SYNDIG1: variants seen among roughly 807,000 people sequenced by gnomAD.
The protein encoded by SYNDIG1 is synapse differentiation inducing 1, also known as synapse differentiation-inducing gene protein 1.
A neutral mutation model predicts 19.4 loss-of-function variants in SYNDIG1; 9 were observed. The observed-to-expected ratio is 0.46, with a 90% CI of 0.28 to 0.81. SYNDIG1 has a LOEUF of 0.81. SYNDIG1 is among the 30% of genes least tolerant of loss of function. The probability of loss-of-function intolerance (pLI) is 0.12; values close to 1 mark genes in which losing one functional copy is unlikely to be tolerated. For synonymous variants in SYNDIG1, 141 were observed against 145.9 expected (o/e 0.97, Z 0.24); for missense variants, 311 against 343.3 (o/e 0.91, Z 0.74).
At chr20:24,621,123 C>T (rs972182638) in intron 3 of SYNDIG1, among the ~76,000 whole-genome samples, 2 of 152,164 alleles carry the variant, frequency 1.3e-5, no homozygotes, top group African/African-American at 4.8e-5. Context: ...AAAAAATAAG[C>T]TAAGTTAGCA....
At chr20:24,539,572 AT>A (rs1322245541) in intron 1 of SYNDIG1, among the ~76,000 whole-genome samples, 2 of 152,138 alleles carry the variant, frequency 1.3e-5, no homozygotes, top group Non-Finnish European at 2.9e-5. Flanking sequence ...GCTCCTTGAG[AT>A]TCCATATGAA....
At chr20:24,530,837 C>G (rs2057243168) in intron 1 of SYNDIG1, among the ~76,000 whole-genome samples, 1 of 146,964 alleles carries the variant, frequency 6.8e-6, no homozygotes, top group Non-Finnish European at 1.5e-5. Flanking sequence ...GAGACGGAGT[C>G]TTGTTCTGTC....
intron 3 of SYNDIG1, among the ~76,000 whole-genome samples, chr20:24,594,135 G>A (rs6083564): frequency 2.0e-5 from 3 of 152,020 alleles, no homozygotes; most frequent in Non-Finnish European, 2.9e-5. Flanking sequence ...GTATTTCCTA[G>A]GTTATCTTCC....
At chr20:24,555,852 G>C (rs1287389770) in intron 2 of SYNDIG1, among the ~76,000 whole-genome samples, 1 of 151,976 alleles carries the variant, frequency 6.6e-6, no homozygotes, top group African/African-American at 2.4e-5. Context: ...TCAATTCCTG[G>C]GTATCCTTGT....
chr20:24,566,378 T>A (rs2058042286), intron 2 of SYNDIG1, among the ~76,000 whole-genome samples: 2 of 152,188 alleles, frequency 1.3e-5, no homozygotes, highest in Non-Finnish European at 2.9e-5. Flanking sequence ...GTTTGAAATA[T>A]CTGAAGAAAA....
At position 24,557,864 on chromosome 20, in the gene SYNDIG1, G is replaced by A. The variant is rs868638567; in HGVS notation, c.480+14287G>A. 2.2e-4 allele frequency among the ~76,000 whole-genome samples: 34 copies of A among 152,250 alleles called. 2 individuals are homozygous for A. Among genetic ancestry groups the A allele is most frequent in the African/African-American group, 5.1e-4 (21 of 41,550 alleles). On this transcript the variant is annotated intron_variant, in intron 2 of 3. Transcript: ENST00000376862. ...TCAGATGGAAATGCAGAAATCACCC[G>A]TCTTCTGCGTCGCTCATGCTAGGAG...
At chr20:24,475,595 A>G (rs1038523735) in intron 1 of SYNDIG1, among the ~76,000 whole-genome samples, 2 of 152,166 alleles carry the variant, frequency 1.3e-5, no homozygotes, top group Non-Finnish European at 2.9e-5. Context: ...GTAGTCATAG[A>G]TGATTGACTG....
rs534207628 is a variant in SYNDIG1 at position 24,631,746 on chromosome 20, A to G, written c.619-33600A>G. 4.6e-5 allele frequency among the ~76,000 whole-genome samples: 7 copies of G among 152,340 alleles called. No individual in the cohort carries two copies. In the South Asian group the frequency reaches 1.2e-3, roughly 27 times the overall value. On this transcript the variant is annotated intron_variant, in intron 3 of 3. Transcript: ENST00000376862. The stretch of plus-strand genomic sequence containing the variant: ...GACCTTTCTTGATTTATATATATAT[A>G]CACACACATATATGCATATATAATA...
chr20:24,483,251 G>A (rs535329872), intron 1 of SYNDIG1, among the ~76,000 whole-genome samples: 1 of 152,298 alleles, frequency 6.6e-6, no homozygotes, highest in African/African-American at 2.4e-5. Flanking sequence ...TGCAGAGAAA[G>A]GTGTGCATGT....
intron 1 of SYNDIG1, among the ~76,000 whole-genome samples, chr20:24,476,434 A>G (rs1183026653): frequency 1.3e-5 from 2 of 152,058 alleles, no homozygotes; most frequent in Non-Finnish European, 2.9e-5. Flanking sequence ...TTGGGAGGCT[A>G]AGGCGGGCAG....
chr20:24,656,601 C>T (rs1600835804), intron 3 of SYNDIG1, among the ~76,000 whole-genome samples: 1 of 152,330 alleles, frequency 6.6e-6, no homozygotes, highest in East Asian at 1.9e-4. Flanking sequence ...GGATGCAGGA[C>T]CGAGCTGAAG....
chr20:24,611,559 C>T (rs1321502251), intron 3 of SYNDIG1, among the ~76,000 whole-genome samples: 1 of 151,992 alleles, frequency 6.6e-6, no homozygotes, highest in Non-Finnish European at 1.5e-5. Flanking sequence ...CACACCCTCC[C>T]CCTCCCACTC....
intron 2 of SYNDIG1, among the ~76,000 whole-genome samples, chr20:24,552,713 T>G (rs1242358425): frequency 1.3e-5 from 2 of 152,228 alleles, no homozygotes; most frequent in Non-Finnish European, 2.9e-5. Context: ...CTATCATTGT[T>G]GGACATTTGG....
At chr20:24,522,083 T>G (rs1049445255) in intron 1 of SYNDIG1, among the ~76,000 whole-genome samples, 1 of 152,096 alleles carries the variant, frequency 6.6e-6, no homozygotes, top group Non-Finnish European at 1.5e-5. Context: ...TCTATCTTTT[T>G]TTCTTTTTAG....
chr20:24,513,154 G>A (rs1040724205), intron 1 of SYNDIG1, among the ~76,000 whole-genome samples: 1 of 152,168 alleles, frequency 6.6e-6, no homozygotes, highest in African/African-American at 2.4e-5. Flanking sequence ...AACAAAGGTA[G>A]ATAAAACCAC....
At chr20:24,662,864 C>A (rs1389310247) in intron 3 of SYNDIG1, among the ~76,000 whole-genome samples, 1 of 152,252 alleles carries the variant, frequency 6.6e-6, no homozygotes, top group Admixed American at 6.5e-5. Flanking sequence ...CACACAAAGC[C>A]TTGCCTTCAG....
intron 3 of SYNDIG1, 64 bp downstream of exon 3, chr20:24,585,057 C>CCCCA: frequency 7.3e-7 from 1 of 1,370,054 alleles, no homozygotes; most frequent in Non-Finnish European, 1.0e-6. Context: ...GTGGGGGCGG[C>CCCCA]AATCCCAGCC....
At chr20:24,535,370 C>G (rs2057340523) in intron 1 of SYNDIG1, among the ~76,000 whole-genome samples, 2 of 152,174 alleles carry the variant, frequency 1.3e-5, no homozygotes, top group African/African-American at 2.4e-5. Flanking sequence ...GAATTTCTGG[C>G]TAGAATAGTT....
chr20:24,600,957 C>G (rs2058671224), intron 3 of SYNDIG1, among the ~76,000 whole-genome samples: 1 of 152,202 alleles, frequency 6.6e-6, no homozygotes, highest in African/African-American at 2.4e-5. Context: ...AGCCACATTG[C>G]ATCTGAATGG....
Sources: allele counts gnomAD v4.1 joint callset (sites outside exome capture counted in the v4.1 genomes callset), GRCh38; gene constraint gnomAD v4.1.1; transcripts MANE v1.5; gene names NCBI Gene and HGNC (gene_info 2026-07-23, HGNC 2026-07-21).